CSMD1: variants seen among roughly 807,000 people sequenced by gnomAD.
CSMD1 encodes the protein CUB and Sushi multiple domains 1, also known as CUB and sushi domain-containing protein 1.
Under a neutral mutation model 417.5 loss-of-function variants are expected in CSMD1, and 213 were observed. That is an observed-to-expected ratio of 0.51 (90% CI 0.46 to 0.57). The LOEUF (loss-of-function observed/expected upper bound fraction) is 0.57. Among genes scored for constraint, CSMD1 ranks in the 20% least tolerant of loss-of-function variants. CSMD1 has a pLI of 0.00. For missense variants in CSMD1, 6,923 were observed against 4,529.7 expected, an observed-to-expected ratio of 1.53 and a Z score of -15.17; for synonymous variants, 2,862 against 1,736.8, an observed-to-expected ratio of 1.65 and a Z score of -16.11.
intron 3 of CSMD1, among the ~76,000 whole-genome samples, chr8:4,275,536 A>G (rs900752705): frequency 2.6e-5 from 4 of 152,188 alleles, no homozygotes; most frequent in Non-Finnish European, 5.9e-5. Flanking sequence ...ACTGTTACAC[A>G]TTGGTGAACT....
intron 1 of CSMD1, among the ~76,000 whole-genome samples, chr8:4,902,976 AAAT>A (rs140580575): frequency 4.1e-5 from 6 of 148,114 alleles, no homozygotes; most frequent in Admixed American, 2.7e-4. Flanking sequence ...ATACTAAACT[AAAT>A]AATAATAAAT....
intron 1 of CSMD1, among the ~76,000 whole-genome samples, chr8:4,714,295 C>G (rs1324613534): frequency 6.6e-6 from 1 of 152,100 alleles, no homozygotes; most frequent in Non-Finnish European, 1.5e-5. Context: ...TCTTTTTTCT[C>G]TTTAAGAAAA....
At chr8:4,391,493 T>C (rs1424597417) in intron 3 of CSMD1, among the ~76,000 whole-genome samples, 1 of 152,072 alleles carries the variant, frequency 6.6e-6, no homozygotes, top group Non-Finnish European at 1.5e-5. Context: ...ACCCACACCC[T>C]CTGCTGTGAC....
rs537741136 is a variant in CSMD1 at position 3,697,529 on chromosome 8, G to C, written c.1009+10885C>G. Among the ~76,000 whole-genome samples, 290 of 152,244 alleles carry C rather than the reference G, an allele frequency of 1.9e-3. 1 individual carries two copies. The highest frequency in any genetic ancestry group is 5.2e-3 in the African/African-American group (216 of 41,542). On this transcript the variant is annotated intron_variant, in intron 7 of 69. Coordinates refer to ENST00000635120, the MANE Select transcript of CSMD1 (RefSeq NM_033225.6). ...AAAGCTTCATTGATTAGTTTTTAAAGTTTCTGACTTTAGTTACTCACTAAC... is the reference window on the plus strand; with the variant it reads ...AAAGCTTCATTGATTAGTTTTTAAACTTTCTGACTTTAGTTACTCACTAAC...
Position 3,188,889 on chromosome 8 carries a change from G to T in CSMD1, c.5521C>A (p.Gln1841Lys). 1 of 1,562,562 alleles carries T rather than the reference G, an allele frequency of 6.4e-7. No individual in the cohort carries two copies. Among genetic ancestry groups the T allele is most frequent in the South Asian group, 1.2e-5 (1 of 84,316 alleles). Residue 1841 changes from glutamine to lysine, a missense_variant and splice_region_variant, in exon 35 of 70, where the codon CAG becomes AAG. Physicochemically the swap from Gln to Lys is moderately conservative, Grantham distance 53. Transcript: ENST00000635120. ...GACTGTGGACTTCAAGGACTCACCT[G>T]AATTCCCGAGCCCTCCGTAACTATG... ...KIIVTEGSGI[Q>K]IQVISFATEQ...
chr8:3,846,234 G>T (rs150312168), intron 5 of CSMD1, among the ~76,000 whole-genome samples: 3 of 152,136 alleles, frequency 2.0e-5, no homozygotes, highest in Non-Finnish European at 4.4e-5. Flanking sequence ...CATCATCACA[G>T]ATACGTCCAC....
At chr8:3,673,973 C>G (rs117139507) in intron 7 of CSMD1, among the ~76,000 whole-genome samples, 2,818 of 152,174 alleles carry the variant, frequency 0.019, 74 homozygotes, top group East Asian at 0.13. Context: ...CAAAAATTAG[C>G]CAGGCATGGT....
At chr8:4,223,200 C>A (rs1440066462) in intron 3 of CSMD1, among the ~76,000 whole-genome samples, 1 of 151,962 alleles carries the variant, frequency 6.6e-6, no homozygotes. Flanking sequence ...ACTTCTGCAC[C>A]CCGAGAAAAG....
chr8:3,247,411 C>G (rs192595243), intron 26 of CSMD1, among the ~76,000 whole-genome samples: 56 of 152,282 alleles, frequency 3.7e-4, no homozygotes, highest in African/African-American at 1.2e-3. Flanking sequence ...CTGCTGACTT[C>G]TCTTATTTCC....
At chr8:3,933,705 G>C (rs922426684) in intron 5 of CSMD1, among the ~76,000 whole-genome samples, 3 of 152,098 alleles carry the variant, frequency 2.0e-5, no homozygotes, top group Admixed American at 6.6e-5. Context: ...TGCTCCTTTT[G>C]TATGCAAAAT....
intron 5 of CSMD1, among the ~76,000 whole-genome samples, chr8:3,976,146 A>G (rs1813421433): frequency 6.6e-6 from 1 of 152,112 alleles, no homozygotes; most frequent in Non-Finnish European, 1.5e-5. Flanking sequence ...ATTCTACACC[A>G]AGAATGCATA....
chr8:4,071,108 CTT>C lies in CSMD1; in HGVS notation c.416-39011_416-39010del, dbSNP rs548515793. Among the ~76,000 whole-genome samples the C allele has an allele frequency of 1.2e-4, 19 of 152,062 alleles. No homozygotes were observed. The South Asian group carries it at 3.9e-3, about 32-fold the overall frequency. ...AGTTATCTTTCAGTTTACAGAGACT[CTT>C]GAGTCTTTTTTTTTCTTTTTTTTCC... On this transcript the variant is annotated intron_variant, in intron 3 of 69. Coordinates refer to ENST00000635120, the MANE Select transcript of CSMD1 (RefSeq NM_033225.6).
chr8:3,065,845 G>A (rs10093696), intron 49 of CSMD1, among the ~76,000 whole-genome samples: 8,847 of 152,138 alleles, frequency 0.058, 878 homozygotes, highest in African/African-American at 0.2. Context: ...AGTGATAAAA[G>A]GCAAGTAGCA....
intron 10 of CSMD1, among the ~76,000 whole-genome samples, chr8:3,524,130 TAC>T (rs758122843): frequency 9.5e-5 from 12 of 125,828 alleles, no homozygotes; most frequent in Non-Finnish European, 1.7e-4. Flanking sequence ...TGCACATACA[TAC>T]ACACACACGC....
Position 4,043,826 on chromosome 8 carries a change from C to T in CSMD1, c.416-11727G>A, listed in dbSNP as rs545333774. On this transcript the variant is annotated intron_variant, in intron 3 of 69. Coordinates refer to ENST00000635120, the MANE Select transcript of CSMD1 (RefSeq NM_033225.6). ...CCTTACACGTCTCCAAATGAGGCAT[C>T]ATTATTCCAATTTCACATACAAAAA... Among the ~76,000 whole-genome samples, 3 of 152,260 alleles carry T rather than the reference C, an allele frequency of 2.0e-5. No homozygotes were observed. The South Asian group carries it at 6.2e-4, about 32-fold the overall frequency.
chr8:3,555,272 T>A (rs145714811), intron 10 of CSMD1, among the ~76,000 whole-genome samples: 2 of 152,092 alleles, frequency 1.3e-5, no homozygotes, highest in Admixed American at 1.3e-4. Flanking sequence ...ATGAAGCCAA[T>A]GGGATGATTT....
rs181525905 is a variant in CSMD1, at chr8:3,033,603, G to T, written c.7661-4090C>A. 5.3e-5 allele frequency among the ~76,000 whole-genome samples: 8 copies of T among 151,794 alleles called. No individual in the cohort carries two copies. In the East Asian group the frequency reaches 1.5e-3, roughly 29 times the overall value. On this transcript the variant is annotated intron_variant, in intron 50 of 69. Transcript: ENST00000635120. Reference sequence around the variant, plus strand: ...ATCACACACCAGGGCCTGTCGGGAGGTAAGGGACAAGAGGAGGGAGAGCAT... The same window carrying T: ...ATCACACACCAGGGCCTGTCGGGAGTTAAGGGACAAGAGGAGGGAGAGCAT...
intron 17 of CSMD1, among the ~76,000 whole-genome samples, chr8:3,391,662 G>C (rs911785283): frequency 1.3e-5 from 2 of 152,126 alleles, no homozygotes; most frequent in South Asian, 4.1e-4. Flanking sequence ...TTCAACCTTT[G>C]AGCCACACAA....
intron 3 of CSMD1, among the ~76,000 whole-genome samples, chr8:4,211,883 T>A (rs566860375): frequency 1.3e-5 from 2 of 152,292 alleles, no homozygotes; most frequent in African/African-American, 4.8e-5. Context: ...ACATCATATC[T>A]ACAGAAAACA....
Sources: allele counts gnomAD v4.1 joint callset (sites outside exome capture counted in the v4.1 genomes callset), GRCh38; gene constraint gnomAD v4.1.1; transcripts MANE v1.5; gene names NCBI Gene and HGNC (gene_info 2026-07-23, HGNC 2026-07-21).